Variants in PDZD2 observed in about 807,000 individuals in gnomAD.
PDZD2 encodes PDZ domain-containing protein 2.
Under a neutral mutation model 220.7 loss-of-function variants are expected in PDZD2, and 90 were observed. The ratio of observed to expected loss-of-function variants is 0.41; its 90% CI spans 0.34 to 0.49. The LOEUF (loss-of-function observed/expected upper bound fraction) is 0.49, where lower values mean the gene tolerates loss of function less well. Ranked by LOEUF, PDZD2 falls within the 20% of genes least tolerant of loss-of-function variation. PDZD2 has a pLI of 0.28. For missense variants in PDZD2, 3,174 were observed against 3,608.5 expected, an observed-to-expected ratio of 0.88 and a Z score of 3.08; for synonymous variants, 1,375 against 1,450.5, an observed-to-expected ratio of 0.95 and a Z score of 1.18.
chr5:32,090,158 G>T lies in PDZD2; in HGVS notation c.6710G>T (p.Gly2237Val). 7 of 1,614,032 alleles carry T rather than the reference G, an allele frequency of 4.3e-6. No individual in the cohort carries two copies. Among genetic ancestry groups the T allele is most frequent in the Non-Finnish European group, 5.1e-6 (6 of 1,180,010 alleles). ...AQFSSHFGRE[G>V]HPPHSLGRSR... Reference sequence around the variant, plus strand: ...TTCTCAAGCCATTTTGGACGGGAGGGTCACCCCCCACACAGCCTGGGTCGC... The same window carrying T: ...TTCTCAAGCCATTTTGGACGGGAGGTTCACCCCCCACACAGCCTGGGTCGC... Residue 2237 changes from glycine (G) to valine (V), a missense_variant, in exon 20 of 25, where the codon GGT becomes GTT. Gly to Val is a moderately radical substitution (Grantham distance 109). Around this residue, in one of 4 missense-constraint regions of PDZD2, gnomAD observed 631 missense variants for 789.9 expected, o/e 0.80. Transcript: ENST00000438447. This position sits in a 1 kb window ranked among gnomAD's most constrained non-coding sequence, Gnocchi z 4.3.
At chr5:31,859,091 A>T (rs1342797989) in intron 2 of PDZD2, among the ~76,000 whole-genome samples, 1 of 151,912 alleles carries the variant, frequency 6.6e-6, no homozygotes, top group Non-Finnish European at 1.5e-5. Context: ...CCAGAAGTGG[A>T]CTCAGCATGA....
chr5:31,979,015 G>T (rs775062142), intron 2 of PDZD2, among the ~76,000 whole-genome samples: 1 of 152,118 alleles, frequency 6.6e-6, no homozygotes, highest in Non-Finnish European at 1.5e-5. Context: ...CTCAGTCACA[G>T]GCACCTTCCA....
intron 2 of PDZD2, among the ~76,000 whole-genome samples, chr5:31,856,926 AT>A (rs1758501135): frequency 2.1e-5 from 3 of 146,244 alleles, no homozygotes; most frequent in African/African-American, 4.9e-5. Flanking sequence ...ATATATATAT[AT>A]ATATATATAA....
intron 2 of PDZD2, among the ~76,000 whole-genome samples, chr5:31,960,541 T>G (rs72759616): frequency 0.1 from 15,684 of 152,120 alleles, 867 homozygotes; most frequent in Middle Eastern, 0.13. Context: ...CCATTTCCAG[T>G]TGGAGGCAGA....
At chr5:31,785,980 G>A (rs1753357574) in intron 1 of PDZD2, among the ~76,000 whole-genome samples, 1 of 152,238 alleles carries the variant, frequency 6.6e-6, no homozygotes, top group South Asian at 2.1e-4. Context: ...CTCGGGGTTA[G>A]TATATTCGCC....
At position 31,731,971 on chromosome 5, in the gene PDZD2, G is replaced by A. The variant is rs540483784; in HGVS notation, c.-360-66918G>A. Reference sequence around the variant, plus strand: ...CTGGGCTGCCATTAGGGCCATTAGAGGAGCTTTGCTAGGATCATGAAATCT... The same window carrying A: ...CTGGGCTGCCATTAGGGCCATTAGAAGAGCTTTGCTAGGATCATGAAATCT... On this transcript the variant is annotated intron_variant, in intron 1 of 24. Coordinates refer to ENST00000438447, the MANE Select transcript of PDZD2 (RefSeq NM_178140.4). 1.4e-4 allele frequency among the ~76,000 whole-genome samples: 22 copies of A among 152,336 alleles called. No individual in the cohort carries two copies. The South Asian group carries it at 4.4e-3, about 30-fold the overall frequency.
intron 2 of PDZD2, among the ~76,000 whole-genome samples, chr5:31,922,535 C>A (rs1744363088): frequency 6.6e-6 from 1 of 152,144 alleles, no homozygotes; most frequent in Non-Finnish European, 1.5e-5. Flanking sequence ...AACTGAGCAT[C>A]ACTGGGAACT....
chr5:31,982,921 A>C (rs1364476887), intron 2 of PDZD2, among the ~76,000 whole-genome samples: 1 of 152,130 alleles, frequency 6.6e-6, no homozygotes, highest in African/African-American at 2.4e-5. Flanking sequence ...TAAATTAGTC[A>C]TTTCTAGTTC....
intron 2 of PDZD2, among the ~76,000 whole-genome samples, chr5:31,960,454 C>T (rs1284340921): frequency 6.6e-6 from 1 of 152,188 alleles, no homozygotes; most frequent in Admixed American, 6.5e-5. Flanking sequence ...AGGTGGTCTG[C>T]CGCCTCGGCC....
intron 1 of PDZD2, among the ~76,000 whole-genome samples, chr5:31,727,472 C>T (rs988954226): frequency 4.6e-5 from 7 of 151,724 alleles, no homozygotes; most frequent in Admixed American, 1.3e-4. Flanking sequence ...TTTGGGAGGC[C>T]GAGGCGGGCG....
chr5:32,003,896 G>T (rs1752598660), intron 5 of PDZD2, among the ~76,000 whole-genome samples: 1 of 152,064 alleles, frequency 6.6e-6, no homozygotes, highest in South Asian at 2.1e-4. Context: ...ACTTTTAGTA[G>T]AGACGGGGTT....
chr5:31,679,403 A>G (rs1314095824), intron 1 of PDZD2, among the ~76,000 whole-genome samples: 6 of 152,236 alleles, frequency 3.9e-5, no homozygotes, highest in Admixed American at 2.6e-4. Flanking sequence ...TGAGGAGGAC[A>G]CTGAGTTTCC....
intron 1 of PDZD2, among the ~76,000 whole-genome samples, chr5:31,784,651 G>A (rs1056339715): frequency 1.3e-5 from 2 of 152,226 alleles, no homozygotes; most frequent in African/African-American, 4.8e-5. Context: ...GCTCACGCCT[G>A]TAATCCCAGC....
At chr5:31,658,188 C>T (rs568305053) in intron 1 of PDZD2, among the ~76,000 whole-genome samples, 1 of 152,208 alleles carries the variant, frequency 6.6e-6, no homozygotes, top group African/African-American at 2.4e-5. Flanking sequence ...TCTTCAGGGC[C>T]CCAGTCACCC....
chr5:31,870,875 C>A (rs1359955471), intron 2 of PDZD2, among the ~76,000 whole-genome samples: 2 of 141,852 alleles, frequency 1.4e-5, no homozygotes, highest in African/African-American at 5.4e-5. Flanking sequence ...TGCGACAGAT[C>A]GAGACTCTGT....
At chr5:31,819,671 AAAG>A (rs1261351578) in intron 2 of PDZD2, among the ~76,000 whole-genome samples, 2 of 151,592 alleles carry the variant, frequency 1.3e-5, no homozygotes, top group African/African-American at 4.9e-5. Flanking sequence ...AAAAAAAAAA[AAAG>A]AATTCTGCAA....
intron 2 of PDZD2, among the ~76,000 whole-genome samples, chr5:31,973,181 T>G (rs556377449): frequency 6.6e-6 from 1 of 152,348 alleles, no homozygotes; most frequent in African/African-American, 2.4e-5. Flanking sequence ...CAAATCTTCA[T>G]GTAAGCTTAC....
intron 2 of PDZD2, among the ~76,000 whole-genome samples, chr5:31,973,568 G>A (rs950493840): frequency 7.2e-5 from 11 of 152,212 alleles, no homozygotes; most frequent in Non-Finnish European, 1.5e-4. Context: ...CCAGGGAAAG[G>A]TGGAGGATGG....
Position 31,856,917 on chromosome 5 carries a change from T to C in PDZD2, c.476+57193T>C, listed in dbSNP as rs969653583. ...TCCCTCCTTATCAAAACTATATATA[T>C]ATATATATATATATATATAACTTTA... On this transcript the variant is annotated intron_variant, in intron 2 of 24. Transcript: ENST00000438447. 6.9e-5 allele frequency among the ~76,000 whole-genome samples: 6 copies of C among 86,914 alleles called. 1 individual carries two copies. The highest frequency in any genetic ancestry group is 3.2e-4 in the African/African-American group (6 of 18,548). 57.0% of individuals were successfully genotyped at this position (86,914 alleles called of 152,430 possible).
Sources: gnomAD v4.1 joint callset for allele counts (sites outside exome capture counted in the v4.1 genomes callset) on GRCh38, gnomAD v4.1.1 for gene constraint, gnomAD v4.1.1 regional missense constraint, Gnocchi (gnomAD v3.1) non-coding constraint, MANE v1.5 for transcripts, NCBI Gene and HGNC (gene_info 2026-07-23, HGNC 2026-07-21) for gene names.